The following HHAT variants were observed in gnomAD, a reference collection of about 807,000 sequenced individuals.
HHAT encodes protein-cysteine N-palmitoyltransferase HHAT.
In HHAT, 47 loss-of-function variants were observed where a neutral mutation model predicts 70.8. The ratio of observed to expected loss-of-function variants is 0.66; its 90% confidence interval spans 0.53 to 0.85. The LOEUF is 0.85. Among genes scored for constraint, HHAT ranks in the 40% least tolerant of loss-of-function variants. The pLI, the probability that HHAT is intolerant of heterozygous loss-of-function variation, is 0.00. For missense variants in HHAT, 609 were observed against 604.8 expected, an observed-to-expected ratio of 1.01 and a Z score of -0.07; for synonymous variants, 228 against 247.6, an observed-to-expected ratio of 0.92 and a Z score of 0.74.
chr1:210,643,698 T>G (rs982697516), intron 11 of HHAT, among the ~76,000 whole-genome samples: 1 of 150,428 alleles, frequency 6.6e-6, no homozygotes, highest in African/African-American at 2.4e-5. Context: ...TGTCTTTCAG[T>G]AGATTCATTT....
intron 6 of HHAT, among the ~76,000 whole-genome samples, chr1:210,415,650 G>A (rs956407561): frequency 6.6e-6 from 1 of 151,062 alleles, no homozygotes; most frequent in Non-Finnish European, 1.5e-5. Context: ...GGAAATTCCT[G>A]TTGTACCAAT....
chr1:210,629,430 T>C lies in HHAT; in HGVS notation c.1390+5760T>C, dbSNP rs77803330. ...CTTTTGTGCTAGGTTATGGAAACTT[T>C]TTCCTGCTAATCAGAGTTTCCAGGG... On this transcript the variant is annotated intron_variant, in intron 11 of 11. Coordinates refer to ENST00000261458, the MANE Select transcript of HHAT (RefSeq NM_018194.6). Among the ~76,000 whole-genome samples the C allele has an allele frequency of 1.4e-3, 215 of 152,400 alleles. 7 individuals are homozygous for C. In the East Asian group the frequency reaches 0.036, roughly 25 times the overall value.
chr1:210,455,162 G>A (rs1361814503), intron 7 of HHAT, among the ~76,000 whole-genome samples: 1 of 152,186 alleles, frequency 6.6e-6, no homozygotes, highest in Non-Finnish European at 1.5e-5. Context: ...GGCTTCCCGA[G>A]ATTGATGGTC....
chr1:210,649,079 T>A (rs910689209), intron 11 of HHAT, among the ~76,000 whole-genome samples: 3 of 152,212 alleles, frequency 2.0e-5, no homozygotes, highest in African/African-American at 4.8e-5. Flanking sequence ...CCCAACTGTA[T>A]AATCTTGGCC....
chr1:210,602,001 G>A (rs905590875), intron 10 of HHAT, among the ~76,000 whole-genome samples: 14 of 150,444 alleles, frequency 9.3e-5, no homozygotes, highest in African/African-American at 2.4e-4. Flanking sequence ...GTGCACACAC[G>A]CATGCAAAGA....
intron 11 of HHAT, among the ~76,000 whole-genome samples, chr1:210,656,553 G>A (rs1300553576): frequency 6.6e-6 from 1 of 152,318 alleles, no homozygotes; most frequent in South Asian, 2.1e-4. Context: ...TCCTGCAGGG[G>A]AAGTGGGTCA....
At chr1:210,660,436 C>T (rs1677423985) in intron 11 of HHAT, among the ~76,000 whole-genome samples, 1 of 152,198 alleles carries the variant, frequency 6.6e-6, no homozygotes, top group African/African-American at 2.4e-5. Context: ...AATGGAATAA[C>T]ATTCCATGCT....
intron 9 of HHAT, among the ~76,000 whole-genome samples, chr1:210,552,251 G>C (rs2095533671): frequency 6.6e-6 from 1 of 152,168 alleles, no homozygotes; most frequent in Non-Finnish European, 1.5e-5. Flanking sequence ...AGATTCTTCA[G>C]GGACTCACAC....
intron 9 of HHAT, among the ~76,000 whole-genome samples, chr1:210,514,201 T>C (rs2148586425): frequency 6.6e-6 from 1 of 152,312 alleles, no homozygotes; most frequent in South Asian, 2.1e-4. Context: ...GCATACCTTG[T>C]CCTCTTTGAC....
intron 1 of HHAT, among the ~76,000 whole-genome samples, chr1:210,338,596 CAT>C (rs141267878): frequency 0.03 from 4,578 of 152,282 alleles, 252 homozygotes; most frequent in African/African-American, 0.1. Flanking sequence ...ACTTAATCCT[CAT>C]ATCAATCTTC....
At chr1:210,342,073 T>TC (rs541978547) in intron 1 of HHAT, among the ~76,000 whole-genome samples, 187 of 152,170 alleles carry the variant, frequency 1.2e-3, no homozygotes, top group Non-Finnish European at 2.2e-3. Flanking sequence ...TCCTCTTTTT[T>TC]CCCCCTACCA....
intron 7 of HHAT, among the ~76,000 whole-genome samples, chr1:210,447,154 C>T (rs1226968854): frequency 6.6e-6 from 1 of 152,118 alleles, no homozygotes; most frequent in African/African-American, 2.4e-5. Context: ...TTGGGAAAAC[C>T]ACTTATCATC....
chr1:210,540,224 T>C (rs1207982903), intron 9 of HHAT, among the ~76,000 whole-genome samples: 2 of 152,212 alleles, frequency 1.3e-5, no homozygotes. Flanking sequence ...ATTCTCAATT[T>C]AGGCAATAAT....
intron 11 of HHAT, among the ~76,000 whole-genome samples, chr1:210,657,718 T>G (rs1365291889): frequency 6.6e-6 from 1 of 152,228 alleles, no homozygotes; most frequent in African/African-American, 2.4e-5. Context: ...TTCAGCTCTT[T>G]ATGGCATTTT....
intron 5 of HHAT, among the ~76,000 whole-genome samples, chr1:210,401,805 T>G (rs1183028089): frequency 1.3e-5 from 2 of 152,232 alleles, no homozygotes; most frequent in Non-Finnish European, 2.9e-5. Flanking sequence ...CGATTGCACC[T>G]ATCAGCAAAT....
intron 9 of HHAT, among the ~76,000 whole-genome samples, chr1:210,583,660 G>C (rs1341293902): frequency 2.6e-5 from 4 of 152,138 alleles, no homozygotes; most frequent in Non-Finnish European, 5.9e-5. Context: ...ACCCTCTTCT[G>C]GTTTGAGACA....
chr1:210,348,849 G>T, intron 1 of HHAT, 84 bp from the exon 2 acceptor site: 1 of 1,351,688 alleles, frequency 7.4e-7, no homozygotes. Flanking sequence ...TGGGTCTCCG[G>T]GAGTGTGAAC....
chr1:210,667,198 C>T (rs1165374569), intron 11 of HHAT, among the ~76,000 whole-genome samples: 1 of 151,972 alleles, frequency 6.6e-6, no homozygotes, highest in Admixed American at 6.6e-5. Flanking sequence ...GCCTGACCAA[C>T]AAGGAGAAAC....
intron 9 of HHAT, among the ~76,000 whole-genome samples, chr1:210,543,251 G>A (rs1019632731): frequency 6.6e-6 from 1 of 152,102 alleles, no homozygotes; most frequent in Non-Finnish European, 1.5e-5. Flanking sequence ...GATATAGGAA[G>A]GGTAAATTTC....
Sources: allele counts gnomAD v4.1 joint callset (sites outside exome capture counted in the v4.1 genomes callset), GRCh38; gene constraint gnomAD v4.1.1; transcripts MANE v1.5; gene names NCBI Gene and HGNC (gene_info 2026-07-23, HGNC 2026-07-21).